The following ACTN2 variants were observed in gnomAD, a reference collection of about 807,000 sequenced individuals.
The protein encoded by ACTN2 is actinin alpha 2.
ACTN2 carries 39 observed loss-of-function variants against 113.8 expected under a neutral mutation model. The ratio of observed to expected loss-of-function variants is 0.34; its 90% CI spans 0.27 to 0.45. The LOEUF is 0.45. Ranked by LOEUF, ACTN2 falls within the 20% of genes least tolerant of loss-of-function variation. The pLI, the probability that ACTN2 is intolerant of heterozygous loss-of-function variation, is 1.00. For synonymous variants in ACTN2, 429 were observed against 444.1 expected, an observed-to-expected ratio of 0.97 and a Z score of 0.43; for missense variants, 992 against 1,177.9, an observed-to-expected ratio of 0.84 and a Z score of 2.31.
chr1:236,716,682 G>A (rs1613395), intron 1 of ACTN2, among the ~76,000 whole-genome samples: 142,054 of 151,976 alleles, frequency 0.93, 66,457 homozygotes, highest in Admixed American at 0.95. Flanking sequence ...AGACTATACT[G>A]CAAATTTGTT....
At position 236,717,917 on chromosome 1, in the gene ACTN2, C is replaced by G; in HGVS notation, c.186C>G (p.Ile62Met). The change falls in exon 2 of 21, where the codon ATC becomes ATG. Residue 62 changes from isoleucine (I) to methionine (M), a missense_variant. Ile to Met is a conservative substitution (Grantham distance 10). Coordinates refer to ENST00000366578, the MANE Select transcript of ACTN2 (RefSeq NM_001103.4). ...LRKAGTQIENIEEDFRNGLKL... is the reference protein window; with the variant it reads ...LRKAGTQIENMEEDFRNGLKL... ...AAGCCGGCACCCAGATTGAGAACATCGAGGAAGACTTCAGGAATGGCCTTA... is the reference window on the plus strand; with the variant it reads ...AAGCCGGCACCCAGATTGAGAACATGGAGGAAGACTTCAGGAATGGCCTTA... 6.2e-7 allele frequency: 1 copy of G among 1,614,118 alleles called. No homozygotes were observed. Among genetic ancestry groups the G allele is most frequent in the South Asian group, 1.1e-5 (1 of 91,074 alleles).
At chr1:236,752,378 A>G (rs10925213) in intron 15 of ACTN2, among the ~76,000 whole-genome samples, 127,483 of 151,820 alleles carry the variant, frequency 0.84, 53,728 homozygotes, top group South Asian at 0.88. Context: ...GTATGAGGAA[A>G]AGGAAAGTAT....
At chr1:236,690,190 C>T (rs1307721067) in intron 1 of ACTN2, among the ~76,000 whole-genome samples, 2 of 152,172 alleles carry the variant, frequency 1.3e-5, no homozygotes, top group African/African-American at 4.8e-5. Flanking sequence ...TTGGGTCAGG[C>T]AGCCTGGCAG....
Position 236,721,015 on chromosome 1 carries a change from G to GGTTTTTGTTTTTTTT in ACTN2, c.448+824_448+825insGTTTTTGTTTTTTTT. 4.5e-4 allele frequency among the ~76,000 whole-genome samples: 22 copies of GGTTTTTGTTTTTTTT among 49,138 alleles called. 1 individual carries two copies. The highest frequency in any genetic ancestry group is 8.0e-4 in the African/African-American group (8 of 9,938). 32.2% of individuals were successfully genotyped at this position (49,138 alleles called of 152,430 possible). On this transcript the variant is annotated intron_variant, in intron 4 of 20. Coordinates refer to ENST00000366578, the MANE Select transcript of ACTN2 (RefSeq NM_001103.4). ...ACAGTAGCCTCTGACTCTGGTTTTT[G>GGTTTTTGTTTTTTTT]TTTTTTGTTTTTTTTTTTTTTTTTT... is the stretch of plus-strand genomic sequence containing the variant.
intron 1 of ACTN2, among the ~76,000 whole-genome samples, chr1:236,716,650 T>C (rs1028350525): frequency 6.6e-6 from 1 of 151,996 alleles, no homozygotes; most frequent in African/African-American, 2.4e-5. Context: ...TAGGAGGTTA[T>C]TGTTATTATT....
In ACTN2 at chr1:236,739,324, C is replaced by T. The variant is rs144025957; in HGVS notation, c.899C>T (p.Thr300Met). Residue 300 changes from threonine to methionine, a missense_variant, in exon 10 of 21, where the codon ACG becomes ATG. Transcript: ENST00000366578. Reference sequence around the variant, plus strand: ...CAGCTTTTGGAATGGATTCGTCGCACGATCCCCTGGCTGGAGAACCGGACT... The same window carrying T: ...CAGCTTTTGGAATGGATTCGTCGCATGATCCCCTGGCTGGAGAACCGGACT... ...ASELLEWIRR[T>M]IPWLENRTPE... 99 of 1,613,992 alleles carry T rather than the reference C, an allele frequency of 6.1e-5. No individual in the cohort carries two copies. The highest frequency in any genetic ancestry group is 7.7e-5 in the Non-Finnish European group (91 of 1,180,010).
chr1:236,750,520 C>T (rs1659364577), intron 14 of ACTN2, among the ~76,000 whole-genome samples: 1 of 152,172 alleles, frequency 6.6e-6, no homozygotes, highest in Non-Finnish European at 1.5e-5. Flanking sequence ...GGCAGCTGAC[C>T]TGTTGCTGCA....
At chr1:236,745,967 T>C (rs1044591627) in intron 12 of ACTN2, among the ~76,000 whole-genome samples, 4 of 151,688 alleles carry the variant, frequency 2.6e-5, no homozygotes, top group African/African-American at 7.3e-5. Context: ...ATCAAGACCA[T>C]CCTGGCTAAC....
Position 236,751,318 on chromosome 1 carries a change from A to G in ACTN2, c.1657-152A>G. 4 of 928,106 alleles carry G rather than the reference A, an allele frequency of 4.3e-6. 1 individual carries two copies. The highest frequency in any genetic ancestry group is 6.7e-6 in the Non-Finnish European group (4 of 598,628). 57.5% of individuals were successfully genotyped at this position (928,106 alleles called of 1,614,324 possible). Reference sequence around the variant, plus strand: ...CCAGGAACTTGACTTCTGTGTACCTAAAGAGTTTTTTCTAAAGCATTCAGA... The same window carrying G: ...CCAGGAACTTGACTTCTGTGTACCTGAAGAGTTTTTTCTAAAGCATTCAGA... On this transcript the variant is annotated intron_variant, in intron 14 of 20. Transcript: ENST00000366578.
chr1:236,747,364 G>T (rs965046661), intron 12 of ACTN2, among the ~76,000 whole-genome samples: 13 of 152,058 alleles, frequency 8.5e-5, no homozygotes, highest in African/African-American at 2.7e-4. Flanking sequence ...ATAAATGTAG[G>T]TGGGGTGGGG....
intron 4 of ACTN2, among the ~76,000 whole-genome samples, chr1:236,722,136 G>T (rs1310873953): frequency 6.6e-6 from 1 of 151,942 alleles, no homozygotes. Context: ...CTGTCAGTTT[G>T]CTAATTTATA....
intron 5 of ACTN2, 64 bp from the exon 6 acceptor site, chr1:236,727,614 C>CAGAT: frequency 6.5e-7 from 1 of 1,545,792 alleles, no homozygotes; most frequent in African/African-American, 1.4e-5. Flanking sequence ...TGACTGAGTG[C>CAGAT]AGATGCTGGC....
chr1:236,705,821 A>C (rs1259859478), intron 1 of ACTN2, among the ~76,000 whole-genome samples: 2 of 151,942 alleles, frequency 1.3e-5, no homozygotes, highest in Non-Finnish European at 1.5e-5. Flanking sequence ...GGCTTTGTTG[A>C]AAACCCTGAA....
chr1:236,745,984 A>C (rs1339398277), intron 12 of ACTN2, among the ~76,000 whole-genome samples: 2 of 151,990 alleles, frequency 1.3e-5, no homozygotes, highest in African/African-American at 2.4e-5. Context: ...TAACACGGTG[A>C]AACCCCGTAT....
chr1:236,710,637 C>T (rs1467499034), intron 1 of ACTN2, among the ~76,000 whole-genome samples: 2 of 152,154 alleles, frequency 1.3e-5, no homozygotes, highest in Admixed American at 1.3e-4. Context: ...GGTACTGGTC[C>T]GTGACCTGTT....
At chr1:236,688,185 G>GT (rs201908640) in intron 1 of ACTN2, among the ~76,000 whole-genome samples, 2,443 of 150,928 alleles carry the variant, frequency 0.016, 84 homozygotes, top group Admixed American at 0.084. Flanking sequence ...AGCAGTGAGT[G>GT]TTTTTTTTTA....
chr1:236,687,510 C>T (rs1665917686), intron 1 of ACTN2, among the ~76,000 whole-genome samples: 1 of 152,202 alleles, frequency 6.6e-6, no homozygotes, highest in Non-Finnish European at 1.5e-5. Context: ...CACCAGGAGG[C>T]TTAATCCCGC....
chr1:236,705,676 C>A (rs912709978), intron 1 of ACTN2, among the ~76,000 whole-genome samples: 2 of 152,222 alleles, frequency 1.3e-5, no homozygotes, highest in African/African-American at 4.8e-5. Flanking sequence ...ATAGATTTTT[C>A]CCTGTATAAA....
intron 1 of ACTN2, among the ~76,000 whole-genome samples, chr1:236,689,558 C>T (rs1363300065): frequency 6.6e-6 from 1 of 151,906 alleles, no homozygotes; most frequent in Admixed American, 6.6e-5. Context: ...CAGGGTCTCA[C>T]TGTGTTGCCC....
Sources: gnomAD v4.1 joint callset for allele counts (sites outside exome capture counted in the v4.1 genomes callset) on GRCh38, gnomAD v4.1.1 for gene constraint, MANE v1.5 for transcripts, NCBI Gene and HGNC (gene_info 2026-07-23, HGNC 2026-07-21) for gene names.